Variants in DST observed in about 807,000 individuals in gnomAD.
DST encodes bullous pemphigoid antigen.
In DST, 253 loss-of-function variants were observed where a neutral mutation model predicts 875.2. That is an observed-to-expected ratio of 0.29 (90% CI 0.26 to 0.32). The LOEUF is 0.32. Ranked by LOEUF, DST falls within the 10% of genes least tolerant of loss-of-function variation. DST has a pLI of 1.00. For missense variants in DST, 8,287 were observed against 9,111.6 expected (o/e 0.91, Z 3.68); for synonymous variants, 3,124 against 3,197.1 (o/e 0.98, Z 0.77).
intron 60 of DST, 90 bp from the exon 61 acceptor site, chr6:56,553,745 T>A: frequency 8.0e-7 from 1 of 1,249,598 alleles, no homozygotes; most frequent in Non-Finnish European, 1.1e-6. Flanking sequence ...TGAATGAATA[T>A]ATAGAATTGT....
intron 4 of DST, chr6:56,843,574 G>A (rs1178418843): frequency 2.0e-6 from 2 of 984,062 alleles, no homozygotes; most frequent in Non-Finnish European, 2.4e-6. Flanking sequence ...GCTTCGGGCC[G>A]GGCCGAGGCC....
intron 7 of DST, among the ~76,000 whole-genome samples, chr6:56,702,627 G>T (rs1026485763): frequency 6.6e-6 from 1 of 152,180 alleles, no homozygotes; most frequent in African/African-American, 2.4e-5. Context: ...ACTACTTGGG[G>T]ATGGAAACAA....
chr6:56,751,353 A>G (rs1034732300), intron 4 of DST, among the ~76,000 whole-genome samples: 1 of 152,256 alleles, frequency 6.6e-6, no homozygotes, highest in Non-Finnish European at 1.5e-5. Flanking sequence ...GGATATGCCA[A>G]TATAACATTA....
intron 2 of DST, among the ~76,000 whole-genome samples, chr6:56,903,044 G>C (rs1012384198): frequency 6.6e-6 from 1 of 151,484 alleles, no homozygotes; most frequent in Non-Finnish European, 1.5e-5. Context: ...CTAGGAACCA[G>C]AGTTTAGTTT....
intron 3 of DST, among the ~76,000 whole-genome samples, chr6:56,898,315 T>C (rs1792423199): frequency 6.6e-6 from 1 of 152,090 alleles, no homozygotes; most frequent in Non-Finnish European, 1.5e-5. Flanking sequence ...AAACAAAGAA[T>C]AAGGAAAAAC....
rs2144405 is a variant in DST at position 56,573,104 on chromosome 6, C to T, written c.13237-40G>A. 568,021 of 1,427,368 alleles carry T rather than the reference C, an allele frequency of 0.4. 115,335 individuals are homozygous for T. Among genetic ancestry groups the T allele is most frequent in the Admixed American group, 0.42 (14,888 of 35,752 alleles). The allele number at this position is 1,427,368 out of a possible 1,614,324, so 88.4% of individuals were successfully genotyped here. A position where few individuals can be genotyped will look rare whatever the true frequency, so the allele number is the denominator to read the frequency against. ...ATATTGCATATCTTTTATTATGATG[C>T]TTATAAATAATGTGACAGAATTTTT... is the stretch of plus-strand genomic sequence containing the variant. On this transcript the variant is annotated intron_variant, in intron 51 of 103. Transcript: ENST00000680361.
chr6:56,586,165 C>G (rs2152669017), intron 49 of DST, among the ~76,000 whole-genome samples: 1 of 151,840 alleles, frequency 6.6e-6, no homozygotes, highest in Admixed American at 6.6e-5. Flanking sequence ...AACTTTCTGT[C>G]TCGTTGATCT....
rs1286475380 is a variant in DST at position 56,490,342 on chromosome 6, C to G, written c.20758-733G>C. On this transcript the variant is annotated intron_variant, in intron 85 of 103. Coordinates refer to ENST00000680361, the MANE Select transcript of DST (RefSeq NM_001374736.1). ...TTCTTTTCGGTTTGTCATCAAGAAC[C>G]AGCAGGTACTATTTTCTGATACAAT... is the stretch of plus-strand genomic sequence containing the variant. Among the ~76,000 whole-genome samples, 4 of 152,104 alleles carry G rather than the reference C, an allele frequency of 2.6e-5. No individual in the cohort carries two copies. The East Asian group carries it at 5.8e-4, about 22-fold the overall frequency.
chr6:56,900,048 TCTC>T (rs757746556), intron 3 of DST, among the ~76,000 whole-genome samples: 9 of 152,092 alleles, frequency 5.9e-5, no homozygotes, highest in Non-Finnish European at 1.2e-4. Flanking sequence ...CTTCACTGCT[TCTC>T]CTATCCTGAC....
Position 56,646,187 on chromosome 6 carries a change from A to T in DST, c.1555-5T>A. 1 of 1,434,026 alleles carries T rather than the reference A, an allele frequency of 7.0e-7. No individual in the cohort carries two copies. The allele number at this position is 1,434,026 out of a possible 1,614,324, so 88.8% of individuals were successfully genotyped here. A position where few individuals can be genotyped will look rare whatever the true frequency, so the allele number is the denominator to read the frequency against. ...TAAATACTGATTATAAAGTGCCTAA[A>T]ATAAAAAGGACAAGAAATTAAGGAC... On this transcript the variant is annotated splice_polypyrimidine_tract_variant and splice_region_variant and intron_variant, in intron 13 of 103. Transcript: ENST00000680361.
intron 35 of DST, 59 bp downstream of exon 35, chr6:56,625,097 TA>T: frequency 1.7e-6 from 2 of 1,206,882 alleles, no homozygotes; most frequent in Non-Finnish European, 2.5e-6. Flanking sequence ...AAATAAAATT[TA>T]AAAAGTAAGT....
At chr6:56,564,033 T>G (rs1210800826) in intron 55 of DST, among the ~76,000 whole-genome samples, 5 of 152,206 alleles carry the variant, frequency 3.3e-5, no homozygotes, top group African/African-American at 1.2e-4. Flanking sequence ...TTGTTCTTTT[T>G]GCTTAGGATT....
intron 4 of DST, among the ~76,000 whole-genome samples, chr6:56,802,411 C>T (rs1466766253): frequency 6.6e-6 from 1 of 151,932 alleles, no homozygotes; most frequent in Non-Finnish European, 1.5e-5. Flanking sequence ...CAAAGTGTAG[C>T]ATGTAAGATT....
chr6:56,601,197 G>A (rs182726312), intron 44 of DST, among the ~76,000 whole-genome samples: 142 of 152,042 alleles, frequency 9.3e-4, no homozygotes, highest in African/African-American at 3.3e-3. Flanking sequence ...TCTTGGGGTG[G>A]GAGGCAATCA....
chr6:56,504,297 T>A (rs2096243413), intron 77 of DST, among the ~76,000 whole-genome samples, 199 bp from the exon 78 acceptor site: 1 of 152,118 alleles, frequency 6.6e-6, no homozygotes, highest in African/African-American at 2.4e-5. Context: ...ATGAAATAGA[T>A]ACATACAAGT....
chr6:56,867,709 G>C (rs1276118707), intron 3 of DST, among the ~76,000 whole-genome samples: 1 of 152,050 alleles, frequency 6.6e-6, no homozygotes, highest in African/African-American at 2.4e-5. Context: ...CAGCCGTAGT[G>C]CCAGCTATTC....
chr6:56,928,197 C>G (rs1405556463), intron 2 of DST, among the ~76,000 whole-genome samples: 1 of 147,740 alleles, frequency 6.8e-6, no homozygotes, highest in Non-Finnish European at 1.5e-5. Flanking sequence ...GTGAGATACC[C>G]CTACTGGGGC....
At chr6:56,508,894 T>TC in intron 74 of DST, 139 bp from the exon 75 acceptor site, 1 of 645,392 alleles carries the variant, frequency 1.5e-6, no homozygotes. Context: ...ATGACCCCAG[T>TC]CCAGTGGATA....
At chr6:56,858,694 G>A (rs1769336384) in intron 3 of DST, among the ~76,000 whole-genome samples, 1 of 152,146 alleles carries the variant, frequency 6.6e-6, no homozygotes, top group Non-Finnish European at 1.5e-5. Context: ...GTTCCCAATA[G>A]GGATATCACT....
Sources: allele counts gnomAD v4.1 joint callset (sites outside exome capture counted in the v4.1 genomes callset), GRCh38; gene constraint gnomAD v4.1.1; transcripts MANE v1.5; gene names NCBI Gene and HGNC (gene_info 2026-07-23, HGNC 2026-07-21).